Variants in KLK5 observed in about 807,000 individuals in gnomAD.
KLK5 encodes kallikrein-5.
KLK5 carries 18 observed loss-of-function variants against 24.0 expected under a neutral mutation model. The ratio of observed to expected loss-of-function variants is 0.75; its 90% CI spans 0.52 to 1.11. The LOEUF (loss-of-function observed/expected upper bound fraction) is 1.11, where lower values mean the gene tolerates loss of function less well. KLK5 is among the 50% of genes most tolerant of loss of function. The pLI, the probability that KLK5 is intolerant of heterozygous loss-of-function variation, is 0.00. For synonymous variants in KLK5, 140 were observed against 154.0 expected (o/e 0.91, Z 0.67); for missense variants, 374 against 379.2 (o/e 0.99, Z 0.11).
At position 50,943,558 on chromosome 19, in the gene KLK5, G is replaced by T; in HGVS notation, c.*73C>A. 1 of 1,342,466 alleles carries T rather than the reference G, an allele frequency of 7.4e-7. No homozygotes were observed. The highest frequency in any genetic ancestry group is 1.1e-6 in the Non-Finnish European group (1 of 947,624). The allele number at this position is 1,342,466 out of a possible 1,614,324, so 83.2% of individuals were successfully genotyped here. A position where few individuals can be genotyped will look rare whatever the true frequency, so the allele number is the denominator to read the frequency against. Reference sequence around the variant, plus strand: ...ATTCTCAACATCTCTGGGAAGGAATGAGGGTCTGAAAGGAGTGTCAGGGCT... The same window carrying T: ...ATTCTCAACATCTCTGGGAAGGAATTAGGGTCTGAAAGGAGTGTCAGGGCT... On this transcript the variant is annotated 3_prime_UTR_variant, in exon 6 of 6. Transcript: ENST00000336334.
chr19:50,950,187 G>A (rs1487885488), intron 2 of KLK5, 71 bp from the exon 3 acceptor site: 13 of 1,499,538 alleles, frequency 8.7e-6, no homozygotes, highest in Non-Finnish European at 1.2e-5. Flanking sequence ...TCAGACTCAA[G>A]AGGCCAGACC....
In KLK5 at chr19:50,943,611, G is replaced by A. The variant is rs1319846762; in HGVS notation, c.*20C>T. The A allele has an allele frequency of 1.9e-6, 3 of 1,604,794 alleles. No homozygotes were observed. Among genetic ancestry groups the A allele is most frequent in the South Asian group, 1.1e-5 (1 of 90,516 alleles). On this transcript the variant is annotated 3_prime_UTR_variant, in exon 6 of 6. Transcript: ENST00000336334. ...CCCTGCAGCAGGTGGGGATGCCGGT[G>A]TGCTGAGTCCTGGGATGACTCAGGA...
At chr19:50,950,138 G>T in intron 2 of KLK5, 22 bp from the exon 3 acceptor site, 1 of 1,521,704 alleles carries the variant, frequency 6.6e-7, no homozygotes, top group Non-Finnish European at 9.0e-7. Flanking sequence ...AAATGGGTTG[G>T]GCGGGGCTCA....
chr19:50,944,540 C>A (rs1326895462), intron 5 of KLK5, among the ~76,000 whole-genome samples: 1 of 152,164 alleles, frequency 6.6e-6, no homozygotes, highest in African/African-American at 2.4e-5. Flanking sequence ...ACTGGACACA[C>A]ACCTTCCTTC....
rs563739476 is a variant in KLK5 at position 50,946,761 on chromosome 19, G to A, written c.726+1879C>T. The stretch of plus-strand genomic sequence containing the variant: ...TTTTTAGTAGAGACAGGGTTTCACC[G>A]TGTCAGCCAGGATGGTCTCCATCTC... On this transcript the variant is annotated intron_variant, in intron 5 of 5. Coordinates refer to ENST00000336334, the MANE Select transcript of KLK5 (RefSeq NM_012427.5). Among the ~76,000 whole-genome samples the A allele has an allele frequency of 1.1e-4, 16 of 151,968 alleles. No homozygotes were observed. The East Asian group carries it at 1.2e-3, about 11-fold the overall frequency.
rs938407455 is a variant in KLK5 at position 50,943,526 on chromosome 19, G to T, written c.*105C>A. 1.6e-5 allele frequency: 18 copies of T among 1,115,892 alleles called. No individual in the cohort carries two copies. In the African/African-American group the frequency reaches 2.5e-4, roughly 15 times the overall value. The allele number at this position is 1,115,892 out of a possible 1,614,324, so 69.1% of individuals were successfully genotyped here. On this transcript the variant is annotated 3_prime_UTR_variant, in exon 6 of 6. Transcript: ENST00000336334. ...GAGACATGGGGTCAGGGGCTGGAGA[G>T]ATGAACATTCTCAACATCTCTGGGA...
At chr19:50,944,906 C>T (rs2090617027) in intron 5 of KLK5, among the ~76,000 whole-genome samples, 1 of 152,144 alleles carries the variant, frequency 6.6e-6, no homozygotes, top group Admixed American at 6.6e-5. Flanking sequence ...ATAATACTCA[C>T]TGCTCTTCAA....
At chr19:50,943,898 A>G (rs2090609809) in intron 5 of KLK5, 112 bp from the exon 6 acceptor site, 3 of 745,480 alleles carry the variant, frequency 4.0e-6, no homozygotes, top group South Asian at 4.0e-5. Flanking sequence ...GGGAACAGAC[A>G]CACAGAGATG....
At chr19:50,951,699 A>C (rs2090689235) in intron 2 of KLK5, among the ~76,000 whole-genome samples, 1 of 152,212 alleles carries the variant, frequency 6.6e-6, no homozygotes, top group Non-Finnish European at 1.5e-5. Flanking sequence ...TGTTGCCTCC[A>C]CAGGTGCAGC....
chr19:50,948,607 G>A, intron 5 of KLK5, 33 bp downstream of exon 5: 1 of 1,612,180 alleles, frequency 6.2e-7, no homozygotes, highest in Non-Finnish European at 8.5e-7. Flanking sequence ...GGCACTCAGT[G>A]TGTATCTGCT....
rs542775478 is a variant in KLK5 at position 50,946,776 on chromosome 19, G to A, written c.726+1864C>T. ...GGGTTTCACCGTGTCAGCCAGGATG[G>A]TCTCCATCTCCTGACCTAGTGATCC... On this transcript the variant is annotated intron_variant, in intron 5 of 5. Coordinates refer to ENST00000336334, the MANE Select transcript of KLK5 (RefSeq NM_012427.5). 2.2e-4 allele frequency among the ~76,000 whole-genome samples: 34 copies of A among 152,004 alleles called. 1 individual carries two copies. Among genetic ancestry groups the A allele is most frequent in the African/African-American group, 7.5e-4 (31 of 41,448 alleles).
At position 50,950,060 on chromosome 19, in the gene KLK5, AGG is replaced by A; in HGVS notation, c.128_129del (p.Pro43LeufsTer19). The A allele has an allele frequency of 1.9e-6, 3 of 1,613,292 alleles. No homozygotes were observed. Among genetic ancestry groups the A allele is most frequent in the Non-Finnish European group, 2.5e-6 (3 of 1,179,870 alleles). On this transcript the variant is annotated frameshift_variant, in exon 3 of 6. Transcript: ENST00000336334. LOFTEE classifies it high-confidence loss of function. The part of the protein sequence containing the change: ...VSCDHPSNTV[P>X]SGSNQDLGAG... Reference sequence around the variant, plus strand: ...GCTCCCAGGTCCTGGTTGCTCCCAGAGGGCACGGTGTTAGAGGGGTGGTCACA... The same window carrying A: ...GCTCCCAGGTCCTGGTTGCTCCCAGAGCACGGTGTTAGAGGGGTGGTCACA...
rs886666293 is a variant in KLK5 at position 50,948,510 on chromosome 19, G to A, written c.726+130C>T. 3 of 844,048 alleles carry A rather than the reference G, an allele frequency of 3.6e-6. No individual in the cohort carries two copies. The African/African-American group carries it at 5.1e-5, about 14-fold the overall frequency. 52.3% of individuals were successfully genotyped at this position (844,048 alleles called of 1,614,324 possible). A position where few individuals can be genotyped will look rare whatever the true frequency, so the allele number is the denominator to read the frequency against. On this transcript the variant is annotated intron_variant, in intron 5 of 5. Coordinates refer to ENST00000336334, the MANE Select transcript of KLK5 (RefSeq NM_012427.5). ...TTTCTACTAAACACCACTACTCTAG[G>A]GTATGAGCTCTGTGAGAACAGGGGT...
At position 50,948,653 on chromosome 19, in the gene KLK5, C is replaced by T. The variant is rs1428385931; in HGVS notation, c.713G>A (p.Arg238Lys). Residue 238 changes from arginine to lysine, a missense_variant, in exon 5 of 6, where the codon AGA becomes AAA. Coordinates refer to ENST00000336334, the MANE Select transcript of KLK5 (RefSeq NM_012427.5). ...TMFCAGDKAG[R>K]DSCQGDSGGP... ...AGGTGTCCTCACCTGGCAGGAGTCT[C>T]TACCTGCTTTGTCACCGGCGCAGAA... 3 of 1,614,138 alleles carry T rather than the reference C, an allele frequency of 1.9e-6. No homozygotes were observed. The highest frequency in any genetic ancestry group is 2.5e-6 in the Non-Finnish European group (3 of 1,180,022).
chr19:50,949,889 G>C lies in KLK5; in HGVS notation c.301C>G (p.Gln101Glu). ...CAGTGGGCGGCCGTGAGCAGCCACT[G>C]TGGATGCACCAACACCGCCCCGCAG... ...LYCGAVLVHP[Q>E]WLLTAAHCRK... The change falls in exon 3 of 6, where the codon CAG becomes GAG. Residue 101 changes from glutamine to glutamate, a missense_variant. Physicochemically the swap from Gln to Glu is conservative, Grantham distance 29. Transcript: ENST00000336334. 6.4e-7 allele frequency: 1 copy of C among 1,570,304 alleles called. No homozygotes were observed. Among genetic ancestry groups the C allele is most frequent in the Non-Finnish European group, 8.7e-7 (1 of 1,155,960 alleles).
intron 5 of KLK5, among the ~76,000 whole-genome samples, chr19:50,945,646 C>A (rs2090625282): frequency 7.4e-6 from 1 of 134,518 alleles, no homozygotes; most frequent in South Asian, 2.7e-4. Flanking sequence ...AAAAAAATAG[C>A]CAGGCATGGT....
chr19:50,948,734 A>T lies in KLK5; in HGVS notation c.632T>A (p.Val211Glu). ...ATCCTCGCACCTTTTCTGACTTAGC[A>T]CGCTGATATTCAAGCACTGGAGGAC... ...PKVLQCLNISVLSQKRCEDAY... is the reference protein window; with the variant it reads ...PKVLQCLNISELSQKRCEDAY... Residue 211 changes from valine to glutamate, a missense_variant, in exon 5 of 6, where the codon GTG becomes GAG. Val to Glu is a moderately radical substitution (Grantham distance 121, BLOSUM62 -2). Transcript: ENST00000336334. 1 of 1,614,094 alleles carries T rather than the reference A, an allele frequency of 6.2e-7. No individual in the cohort carries two copies. The highest frequency in any genetic ancestry group is 8.5e-7 in the Non-Finnish European group (1 of 1,180,022).
rs2232533 is a variant in KLK5, at chr19:50,949,170, C to T, written c.336-55G>A. 2.9e-3 allele frequency: 4,587 copies of T among 1,566,106 alleles called. 119 individuals carry two copies. The African/African-American group carries it at 0.054, about 18-fold the overall frequency. The stretch of plus-strand genomic sequence containing the variant: ...CCCTGATCTCTATCTCCACGTCCAA[C>T]GCCAATCCCAACCCCACACCCAGCC... On this transcript the variant is annotated intron_variant, in intron 3 of 5. Coordinates refer to ENST00000336334, the MANE Select transcript of KLK5 (RefSeq NM_012427.5).
At position 50,946,372 on chromosome 19, in the gene KLK5, T is replaced by C. The variant is rs575941264; in HGVS notation, c.726+2268A>G. On this transcript the variant is annotated intron_variant, in intron 5 of 5. Coordinates refer to ENST00000336334, the MANE Select transcript of KLK5 (RefSeq NM_012427.5). ...TGCTATTATTTTTATACTATTGGTA[T>C]TAGTATTGTTGTAGTTGTTATTATT... 1.8e-4 allele frequency among the ~76,000 whole-genome samples: 27 copies of C among 152,306 alleles called. No individual in the cohort carries two copies. In the South Asian group the frequency reaches 3.1e-3, roughly 18 times the overall value.
Sources: allele counts gnomAD v4.1 joint callset (sites outside exome capture counted in the v4.1 genomes callset), GRCh38; gene constraint gnomAD v4.1.1; transcripts MANE v1.5; gene names NCBI Gene and HGNC (gene_info 2026-07-23, HGNC 2026-07-21).